Variants in DISC1 observed in about 807,000 individuals in gnomAD.
DISC1 encodes the protein disrupted in schizophrenia 1 protein.
Under a neutral mutation model 84.5 loss-of-function variants are expected in DISC1, and 57 were observed. The ratio of observed to expected loss-of-function variants is 0.67; its 90% CI spans 0.55 to 0.84. The LOEUF (loss-of-function observed/expected upper bound fraction) is 0.84. DISC1 is among the 40% of genes least tolerant of loss of function. The pLI, the probability that DISC1 is intolerant of heterozygous loss-of-function variation, is 0.00. For missense variants in DISC1, 1,000 were observed against 1,057.8 expected, an observed-to-expected ratio of 0.95 and a Z score of 0.76; for synonymous variants, 411 against 415.2, an observed-to-expected ratio of 0.99 and a Z score of 0.12.
chr1:231,925,290 G>A (rs1042137209), intron 9 of DISC1, among the ~76,000 whole-genome samples: 1 of 152,180 alleles, frequency 6.6e-6, no homozygotes, highest in African/African-American at 2.4e-5. Context: ...GAAAAACGGT[G>A]ACGATGATGA....
At chr1:231,900,143 T>C (rs1312129300) in intron 9 of DISC1, among the ~76,000 whole-genome samples, 1 of 152,230 alleles carries the variant, frequency 6.6e-6, no homozygotes, top group African/African-American at 2.4e-5. Flanking sequence ...CACGTTTGCT[T>C]TCAGCAGGGA....
Position 231,626,790 on chromosome 1 carries a change from C to T in DISC1, c.-78C>T. ...CCCACTTCCCGTCCAGCGCGCTGCT[C>T]CCTTCCCCCCGCCTCTGGCCTCGGG... On this transcript the variant is annotated 5_prime_UTR_variant, in exon 1 of 13. Coordinates refer to ENST00000439617, the MANE Select transcript of DISC1 (RefSeq NM_018662.3). 8.8e-7 allele frequency: 1 copy of T among 1,131,608 alleles called. No individual in the cohort carries two copies. 70.1% of individuals were successfully genotyped at this position (1,131,608 alleles called of 1,614,324 possible).
At chr1:232,024,057 A>ATG (rs1023292328) in intron 11 of DISC1, among the ~76,000 whole-genome samples, 18 of 120,000 alleles carry the variant, frequency 1.5e-4, no homozygotes, top group Non-Finnish European at 2.6e-4. Flanking sequence ...ATATATGTGT[A>ATG]TGTGTGTATA....
intron 10 of DISC1, among the ~76,000 whole-genome samples, chr1:231,981,646 T>G (rs1038280487): frequency 6.6e-6 from 1 of 152,168 alleles, no homozygotes; most frequent in Non-Finnish European, 1.5e-5. Context: ...CTATAGGAGT[T>G]AAGAGGAGCT....
At chr1:231,779,795 G>A (rs953909992) in intron 6 of DISC1, among the ~76,000 whole-genome samples, 2 of 151,942 alleles carry the variant, frequency 1.3e-5, no homozygotes, top group East Asian at 1.9e-4. Context: ...TCCTGACCTC[G>A]TGATCCACCT....
At chr1:232,019,193 G>T (rs1572653132) in intron 11 of DISC1, among the ~76,000 whole-genome samples, 1 of 152,158 alleles carries the variant, frequency 6.6e-6, no homozygotes, top group East Asian at 1.9e-4. Flanking sequence ...GGAGATTCGG[G>T]ATTGAAGCGT....
At chr1:231,838,479 G>GA (rs1243775408) in intron 9 of DISC1, among the ~76,000 whole-genome samples, 4 of 152,174 alleles carry the variant, frequency 2.6e-5, no homozygotes, top group East Asian at 3.9e-4. Flanking sequence ...CATAAGCGGA[G>GA]AAAAAAACCC....
intron 9 of DISC1, among the ~76,000 whole-genome samples, chr1:231,890,855 A>G (rs1175391917): frequency 2.0e-5 from 3 of 152,186 alleles, no homozygotes; most frequent in Admixed American, 6.5e-5. Context: ...CATGCTGATT[A>G]TGTTTCCTGT....
intron 11 of DISC1, among the ~76,000 whole-genome samples, chr1:232,012,709 G>A (rs946947626): frequency 2.0e-5 from 3 of 152,192 alleles, no homozygotes; most frequent in African/African-American, 4.8e-5. Context: ...TCTGGCCAAC[G>A]TGGTGATGTG....
rs151116243 is a variant in DISC1 at position 231,874,221 on chromosome 1, G to A, written c.1981+55704G>A. On this transcript the variant is annotated intron_variant, in intron 9 of 12. Coordinates refer to ENST00000439617, the MANE Select transcript of DISC1 (RefSeq NM_018662.3). ...TCACCAGGCTGGAGTGCAGTGGCACGTTCTTGGCTCACTGAAACCTCTGCC... is the reference window on the plus strand; with the variant it reads ...TCACCAGGCTGGAGTGCAGTGGCACATTCTTGGCTCACTGAAACCTCTGCC... Among the ~76,000 whole-genome samples the A allele has an allele frequency of 5.6e-3, 844 of 151,334 alleles. 11 individuals carry two copies. Among genetic ancestry groups the A allele is most frequent in the African/African-American group, 0.019 (787 of 41,178 alleles).
intron 6 of DISC1, among the ~76,000 whole-genome samples, chr1:231,779,616 G>C (rs1321909726): frequency 6.9e-6 from 1 of 144,380 alleles, no homozygotes; most frequent in Non-Finnish European, 1.5e-5. Context: ...GCTGCAGTGC[G>C]GTGGTGCATC....
At chr1:231,869,694 T>C (rs2125947141) in intron 9 of DISC1, among the ~76,000 whole-genome samples, 1 of 152,130 alleles carries the variant, frequency 6.6e-6, no homozygotes, top group Middle Eastern at 3.4e-3. Flanking sequence ...TATTAATCTG[T>C]TCAAGGGTGA....
At chr1:231,975,115 A>G (rs115550888) in intron 10 of DISC1, among the ~76,000 whole-genome samples, 5,368 of 152,158 alleles carry the variant, frequency 0.035, 295 homozygotes, top group African/African-American at 0.12. Context: ...CAACAAAACA[A>G]CAATAACAAC....
chr1:231,903,334 A>G (rs1265747422), intron 9 of DISC1, among the ~76,000 whole-genome samples: 3 of 152,160 alleles, frequency 2.0e-5, no homozygotes, highest in African/African-American at 4.8e-5. Context: ...TTATTTCCAG[A>G]TAAGGTCACC....
rs549574324 is a variant in DISC1 at position 231,643,361 on chromosome 1, T to A, written c.67+16427T>A. ...TGAGGCAATAACTAGTAAAAAAAAA[T>A]AAAATAAAATAAATGAAAGAATGCC... On this transcript the variant is annotated intron_variant, in intron 1 of 12. Coordinates refer to ENST00000439617, the MANE Select transcript of DISC1 (RefSeq NM_018662.3). 1.0e-3 allele frequency among the ~76,000 whole-genome samples: 155 copies of A among 151,988 alleles called. 1 individual carries two copies. The highest frequency in any genetic ancestry group is 3.0e-3 in the African/African-American group (125 of 41,422).
At chr1:231,728,364 C>A in intron 3 of DISC1, among the ~76,000 whole-genome samples, 1 of 152,114 alleles carries the variant, frequency 6.6e-6, no homozygotes, top group Non-Finnish European at 1.5e-5. Flanking sequence ...GGTAGATGTT[C>A]GGGAGGCAGC....
Position 231,694,002 on chromosome 1 carries a change from A to G in DISC1, c.244A>G (p.Arg82Gly), listed in dbSNP as rs2065353018. 1.2e-6 allele frequency: 2 copies of G among 1,614,118 alleles called. No homozygotes were observed. The highest frequency in any genetic ancestry group is 2.2e-5 in the East Asian group (1 of 44,884). Residue 82 changes from arginine to glycine, a missense_variant, in exon 2 of 13, where the codon AGG becomes GGG. By Grantham distance (125) the Arg-to-Gly change is moderately radical (BLOSUM62 -2). Transcript: ENST00000439617. ...CGAGGAGTCCCACCACTCGGAGTCC[A>G]GGGCCAGACAGTGTGGCCTTGACTC... ...SGEESHHSESRARQCGLDSRG... is the reference protein window; with the variant it reads ...SGEESHHSESGARQCGLDSRG...
chr1:231,848,377 A>G (rs1027100558), intron 9 of DISC1, among the ~76,000 whole-genome samples: 1 of 152,220 alleles, frequency 6.6e-6, no homozygotes, highest in Admixed American at 6.5e-5. Context: ...ATGAGCGAAT[A>G]TTTAAATGAC....
rs1316942594 is a variant in DISC1 at position 231,694,740 on chromosome 1, A to G, written c.982A>G (p.Thr328Ala). 3.1e-6 allele frequency: 5 copies of G among 1,614,034 alleles called. No homozygotes were observed. Among genetic ancestry groups the G allele is most frequent in the South Asian group, 1.1e-5 (1 of 91,076 alleles). ...SGSGDAHSWD[T>A]LLRKWEPVLR... ...CTCAGGGGATGCCCACTCTTGGGAC[A>G]CCCTGCTCAGGAAATGGGAGCCAGT... Residue 328 changes from threonine (T) to alanine (A), a missense_variant, in exon 2 of 13, where the codon ACC (threonine) becomes GCC (alanine). Physicochemically the swap from Thr to Ala is moderately conservative, Grantham distance 58. Coordinates refer to ENST00000439617, the MANE Select transcript of DISC1 (RefSeq NM_018662.3).
Sources: gnomAD v4.1 joint callset for allele counts (sites outside exome capture counted in the v4.1 genomes callset) on GRCh38, gnomAD v4.1.1 for gene constraint, MANE v1.5 for transcripts, NCBI Gene and HGNC (gene_info 2026-07-23, HGNC 2026-07-21) for gene names.